Variants in BMPER observed in about 807,000 individuals in gnomAD.
BMPER encodes BMP-binding endothelial regulator protein.
A neutral mutation model predicts 87.3 loss-of-function variants in BMPER; 45 were observed. The observed-to-expected ratio is 0.52, with a 90% CI of 0.41 to 0.66. The LOEUF is 0.66. Among genes scored for constraint, BMPER ranks in the 30% least tolerant of loss-of-function variants. The probability of loss-of-function intolerance (pLI) is 0.00; values close to 1 mark genes in which losing one functional copy is unlikely to be tolerated. For synonymous variants in BMPER, 326 were observed against 316.2 expected (o/e 1.03, Z -0.33); for missense variants, 784 against 867.5 (o/e 0.90, Z 1.21).
At chr7:34,048,181 A>G (rs1788040316) in intron 7 of BMPER, among the ~76,000 whole-genome samples, 1 of 152,020 alleles carries the variant, frequency 6.6e-6, no homozygotes, top group African/African-American at 2.4e-5. Context: ...TCTCGTTCCC[A>G]AATTAGCACA....
At chr7:34,101,543 T>A (rs1409198534) in intron 13 of BMPER, among the ~76,000 whole-genome samples, 1 of 152,180 alleles carries the variant, frequency 6.6e-6, no homozygotes, top group Non-Finnish European at 1.5e-5. Flanking sequence ...AGTTGTAAGG[T>A]CACTTGTGTC....
intron 6 of BMPER, among the ~76,000 whole-genome samples, chr7:33,993,545 T>C (rs1329813103): frequency 1.3e-5 from 2 of 151,928 alleles, no homozygotes; most frequent in Non-Finnish European, 2.9e-5. Context: ...AGTTTTCAAC[T>C]TCTTTGCCTT....
At chr7:33,962,690 A>G (rs1785300569) in intron 3 of BMPER, among the ~76,000 whole-genome samples, 1 of 152,172 alleles carries the variant, frequency 6.6e-6, no homozygotes, top group Non-Finnish European at 1.5e-5. Flanking sequence ...GAACATTACC[A>G]CACCTCCCGC....
rs567992291 is a variant in BMPER, at chr7:34,077,132, G to A, written c.1079-1725G>A. Among the ~76,000 whole-genome samples the A allele has an allele frequency of 2.6e-5, 4 of 152,286 alleles. No individual in the cohort carries two copies. The South Asian group carries it at 8.3e-4, about 32-fold the overall frequency. Reference sequence around the variant, plus strand: ...TGCCTTGTTCTCCCTCAACCAAAAAGCAACATTTTCATGGCCAGGGAGAGA... The same window carrying A: ...TGCCTTGTTCTCCCTCAACCAAAAAACAACATTTTCATGGCCAGGGAGAGA... On this transcript the variant is annotated intron_variant, in intron 11 of 14. Transcript: ENST00000649409.
At chr7:33,949,187 T>G (rs1197592978) in intron 3 of BMPER, among the ~76,000 whole-genome samples, 2 of 152,182 alleles carry the variant, frequency 1.3e-5, no homozygotes, top group Non-Finnish European at 2.9e-5. Context: ...TGCTTATTAC[T>G]GCAGCAGTGT....
At chr7:33,981,080 A>G (rs541425284) in intron 6 of BMPER, among the ~76,000 whole-genome samples, 4 of 152,224 alleles carry the variant, frequency 2.6e-5, no homozygotes, top group African/African-American at 4.8e-5. Flanking sequence ...ACTGTCCCTC[A>G]TCCTTGTCCT....
At chr7:33,995,068 T>C (rs1161951917) in intron 6 of BMPER, among the ~76,000 whole-genome samples, 1 of 152,192 alleles carries the variant, frequency 6.6e-6, no homozygotes, top group Non-Finnish European at 1.5e-5. Context: ...TTACTCTTTT[T>C]TGGGATATGG....
At chr7:33,959,259 A>G (rs921036166) in intron 3 of BMPER, among the ~76,000 whole-genome samples, 1 of 152,170 alleles carries the variant, frequency 6.6e-6, no homozygotes, top group East Asian at 1.9e-4. Context: ...TTATGCAATT[A>G]TTTAAATTTT....
At chr7:34,146,054 T>TAC (rs946832036) in intron 14 of BMPER, among the ~76,000 whole-genome samples, 1 of 151,732 alleles carries the variant, frequency 6.6e-6, no homozygotes, top group African/African-American at 2.4e-5. Flanking sequence ...CACACACACA[T>TAC]ACACACACGC....
intron 10 of BMPER, among the ~76,000 whole-genome samples, chr7:34,058,972 C>CA (rs1788357518): frequency 7.1e-6 from 1 of 140,152 alleles, no homozygotes; most frequent in East Asian, 2.1e-4. Flanking sequence ...AAATGAGGCA[C>CA]AAAAAACAAC....
intron 4 of BMPER, among the ~76,000 whole-genome samples, chr7:33,968,225 A>T (rs552017228): frequency 2.4e-4 from 36 of 152,264 alleles, no homozygotes; most frequent in African/African-American, 8.4e-4. Flanking sequence ...TCCTTTCTAA[A>T]ACCTTGCCTG....
intron 6 of BMPER, among the ~76,000 whole-genome samples, chr7:34,003,877 ATATGAAT>A: frequency 6.6e-6 from 1 of 152,216 alleles, no homozygotes; most frequent in East Asian, 1.9e-4. Context: ...ATGTGTCCAC[ATATGAAT>A]TTCTTTCACT....
Position 33,970,372 on chromosome 7 carries a change from G to T in BMPER, c.446G>T (p.Cys149Phe). The change falls in exon 5 of 15, where the codon TGT becomes TTT. Residue 149 changes from cysteine to phenylalanine, a missense_variant. Physicochemically the swap from Cys to Phe is radical, Grantham distance 205 (BLOSUM62 -2). Coordinates refer to ENST00000649409, the MANE Select transcript of BMPER (RefSeq NM_001365308.1). ...TCTGGGGTGCGCTGTGTTGTTCATT[G>T]TAAAAACCCTTTGGAGCATCTGGGA... ...TESGVRCVVH[C>F]KNPLEHLGMC... 1 of 1,614,166 alleles carries T rather than the reference G, an allele frequency of 6.2e-7. No homozygotes were observed.
At position 34,153,398 on chromosome 7, in the gene BMPER, G is replaced by GTA. The variant is rs68052795; in HGVS notation, c.*136_*137dup. On this transcript the variant is annotated 3_prime_UTR_variant, in exon 15 of 15. Coordinates refer to ENST00000649409, the MANE Select transcript of BMPER (RefSeq NM_001365308.1). Reference sequence around the variant, plus strand: ...ACACACACACACAGAGTATATATGTGTATATATATATAGATATATTCAAAA... The same window carrying GTA: ...ACACACACACACAGAGTATATATGTGTATATATATATATAGATATATTCAAAA... 0.18 allele frequency: 140,919 copies of GTA among 783,578 alleles called. 12,850 individuals are homozygous for GTA. Among genetic ancestry groups the GTA allele is most frequent in the Non-Finnish European group, 0.22 (101,941 of 470,040 alleles). The allele number at this position is 783,578 out of a possible 1,614,324, so 48.5% of individuals were successfully genotyped here. A position where few individuals can be genotyped will look rare whatever the true frequency, so the allele number is the denominator to read the frequency against.
At chr7:34,129,569 G>A (rs745663045) in intron 13 of BMPER, among the ~76,000 whole-genome samples, 2 of 91,738 alleles carry the variant, frequency 2.2e-5, no homozygotes, top group Non-Finnish European at 2.0e-5. Flanking sequence ...AAGGAAGGAA[G>A]GAAGGAAGGA....
intron 13 of BMPER, among the ~76,000 whole-genome samples, chr7:34,134,379 A>C (rs1790667033): frequency 6.6e-6 from 1 of 152,122 alleles, no homozygotes; most frequent in Non-Finnish European, 1.5e-5. Context: ...CGGCCACTAG[A>C]GGGGGGTCGT....
At chr7:34,006,144 A>C (rs1236748245) in intron 6 of BMPER, among the ~76,000 whole-genome samples, 1 of 152,096 alleles carries the variant, frequency 6.6e-6, no homozygotes, top group Admixed American at 6.6e-5. Flanking sequence ...CTTTGTAAAA[A>C]AAATTAAATA....
chr7:34,075,524 T>C (rs1788841912), intron 11 of BMPER, among the ~76,000 whole-genome samples: 1 of 152,252 alleles, frequency 6.6e-6, no homozygotes, highest in Admixed American at 6.5e-5. Context: ...TGAGATCTAA[T>C]GATTTGACCT....
chr7:33,996,696 C>T (rs1318899336), intron 6 of BMPER, among the ~76,000 whole-genome samples: 1 of 152,136 alleles, frequency 6.6e-6, no homozygotes, highest in African/African-American at 2.4e-5. Flanking sequence ...TTTCTGGTAG[C>T]TGCGTTACTG....
Sources: gnomAD v4.1 joint callset for allele counts (sites outside exome capture counted in the v4.1 genomes callset) on GRCh38, gnomAD v4.1.1 for gene constraint, MANE v1.5 for transcripts, NCBI Gene and HGNC (gene_info 2026-07-23, HGNC 2026-07-21) for gene names.